The following DKK2 variants were observed in gnomAD, a reference collection of about 807,000 sequenced individuals.
DKK2 encodes the protein dickkopf Wnt signaling pathway inhibitor 2.
Under a neutral mutation model 28.1 loss-of-function variants are expected in DKK2, and 11 were observed. The observed-to-expected ratio is 0.39, with a 90% CI of 0.25 to 0.65. The LOEUF is 0.65. DKK2 is among the 30% of genes least tolerant of loss of function. The probability of loss-of-function intolerance (pLI) is 0.47; values close to 1 mark genes in which losing one functional copy is unlikely to be tolerated. For missense variants in DKK2, 326 were observed against 335.5 expected, an observed-to-expected ratio of 0.97 and a Z score of 0.22; for synonymous variants, 135 against 126.5, an observed-to-expected ratio of 1.07 and a Z score of -0.45.
intron 1 of DKK2, among the ~76,000 whole-genome samples, chr4:106,926,526 C>T (rs1446607673): frequency 1.3e-5 from 2 of 152,080 alleles, no homozygotes; most frequent in African/African-American, 4.8e-5. Flanking sequence ...GGCACAAAGA[C>T]ACTAAGGAAC....
At chr4:106,972,135 A>G (rs368151444) in intron 1 of DKK2, among the ~76,000 whole-genome samples, 28 of 152,178 alleles carry the variant, frequency 1.8e-4, no homozygotes, top group African/African-American at 5.8e-4. Flanking sequence ...CAATGGCTTC[A>G]AGGATAATTT....
chr4:107,002,970 T>C, intron 1 of DKK2, among the ~76,000 whole-genome samples: 1 of 152,186 alleles, frequency 6.6e-6, no homozygotes, highest in Middle Eastern at 3.2e-3. Context: ...TTCAACACTC[T>C]TACAGATGAG....
At chr4:106,961,577 AC>A (rs1722684948) in intron 1 of DKK2, among the ~76,000 whole-genome samples, 1 of 151,692 alleles carries the variant, frequency 6.6e-6, no homozygotes. Flanking sequence ...ACACACACAC[AC>A]ACACACACAC....
intron 1 of DKK2, among the ~76,000 whole-genome samples, chr4:106,942,999 C>T (rs1035417820): frequency 2.0e-5 from 3 of 152,102 alleles, no homozygotes; most frequent in Non-Finnish European, 2.9e-5. Flanking sequence ...CTTGCACATC[C>T]CCTAGTCAGC....
At chr4:106,997,927 C>T (rs2110363914) in intron 1 of DKK2, among the ~76,000 whole-genome samples, 1 of 152,260 alleles carries the variant, frequency 6.6e-6, no homozygotes, top group Admixed American at 6.5e-5. Context: ...TGTAGTGTTA[C>T]CTAACTATTG....
intron 1 of DKK2, among the ~76,000 whole-genome samples, chr4:106,936,973 A>T (rs1245234349): frequency 6.6e-6 from 1 of 152,116 alleles, no homozygotes; most frequent in African/African-American, 2.4e-5. Flanking sequence ...GAAGCGCTAA[A>T]CATGGAAAGG....
intron 1 of DKK2, among the ~76,000 whole-genome samples, chr4:107,009,938 G>A (rs1723492241): frequency 6.6e-6 from 1 of 151,660 alleles, no homozygotes; most frequent in Non-Finnish European, 1.5e-5. Flanking sequence ...TAAGAATTTG[G>A]CCCCAGGTGA....
chr4:106,944,684 G>T (rs946633177), intron 1 of DKK2, among the ~76,000 whole-genome samples: 6 of 152,070 alleles, frequency 3.9e-5, no homozygotes, highest in African/African-American at 1.4e-4. Context: ...TTTACTACAT[G>T]TTTTGAGTCC....
At chr4:106,965,619 A>G (rs1436152480) in intron 1 of DKK2, among the ~76,000 whole-genome samples, 1 of 151,720 alleles carries the variant, frequency 6.6e-6, no homozygotes, top group Non-Finnish European at 1.5e-5. Context: ...TTATACTTTA[A>G]GTTTTAGGGT....
chr4:107,005,340 CAAAAA>C (rs35333301), intron 1 of DKK2, among the ~76,000 whole-genome samples: 1,294 of 72,456 alleles, frequency 0.018, 9 homozygotes, highest in African/African-American at 0.065. Flanking sequence ...GACTTGGTCT[CAAAAA>C]AAAAAAAAAA....
At position 107,023,102 on chromosome 4, in the gene DKK2, G is replaced by T. The variant is rs930998675; in HGVS notation, c.222+12268C>A. On this transcript the variant is annotated intron_variant, in intron 1 of 3. Transcript: ENST00000285311. ...TATAATTGATAGCTTATAATCCTTG[G>T]CCTTATTTTTGCCACAATAGTCTCC... Among the ~76,000 whole-genome samples, 6 of 151,976 alleles carry T rather than the reference G, an allele frequency of 3.9e-5. No individual in the cohort carries two copies. The South Asian group carries it at 1.0e-3, about 26-fold the overall frequency.
At chr4:106,932,868 A>C (rs1724523253) in intron 1 of DKK2, among the ~76,000 whole-genome samples, 1 of 152,202 alleles carries the variant, frequency 6.6e-6, no homozygotes, top group African/African-American at 2.4e-5. Context: ...TCAGAGAAGT[A>C]ACATGGTAGG....
intron 1 of DKK2, among the ~76,000 whole-genome samples, chr4:106,956,323 T>G (rs1722589793): frequency 1.3e-5 from 2 of 152,278 alleles, no homozygotes; most frequent in South Asian, 4.1e-4. Context: ...ATGGCCATAC[T>G]GCCCAAGGTA....
At chr4:107,022,398 G>A (rs1723710806) in intron 1 of DKK2, among the ~76,000 whole-genome samples, 1 of 152,060 alleles carries the variant, frequency 6.6e-6, no homozygotes, top group South Asian at 2.1e-4. Flanking sequence ...AATAGAAGAA[G>A]GTCTGTAGCT....
intron 1 of DKK2, among the ~76,000 whole-genome samples, chr4:107,029,720 A>G (rs1256176182): frequency 6.6e-6 from 1 of 152,054 alleles, no homozygotes; most frequent in East Asian, 1.9e-4. Context: ...TTGAGAAGTC[A>G]TTTTCCCTAA....
chr4:106,938,331 C>T (rs1724633481), intron 1 of DKK2, among the ~76,000 whole-genome samples: 1 of 152,198 alleles, frequency 6.6e-6, no homozygotes, highest in Admixed American at 6.5e-5. Context: ...TCAGAGAATA[C>T]TACAAACACC....
At chr4:106,983,330 A>ACG in intron 1 of DKK2, among the ~76,000 whole-genome samples, 1 of 123,082 alleles carries the variant, frequency 8.1e-6, no homozygotes, top group Non-Finnish European at 1.7e-5. Flanking sequence ...GAAAGAAAGG[A>ACG]AGAAAGGAAG....
At chr4:106,935,755 G>T (rs998410740) in intron 1 of DKK2, among the ~76,000 whole-genome samples, 1 of 152,146 alleles carries the variant, frequency 6.6e-6, no homozygotes, top group Non-Finnish European at 1.5e-5. Flanking sequence ...CTCCCAGCAC[G>T]CAGCTGGAGA....
chr4:106,975,687 G>T (rs1275188856), intron 1 of DKK2, among the ~76,000 whole-genome samples: 1 of 151,794 alleles, frequency 6.6e-6, no homozygotes, highest in East Asian at 1.9e-4. Context: ...TAAAGAAAAA[G>T]CAGCTCCTAG....
Sources: gnomAD v4.1 joint callset for allele counts (sites outside exome capture counted in the v4.1 genomes callset) on GRCh38, gnomAD v4.1.1 for gene constraint, MANE v1.5 for transcripts, NCBI Gene and HGNC (gene_info 2026-07-23, HGNC 2026-07-21) for gene names.